The following TTC6 variants were observed in gnomAD, a reference collection of about 807,000 sequenced individuals.
TTC6 encodes tetratricopeptide repeat domain 6, also known as tetratricopeptide repeat protein 6.
Under a neutral mutation model 210.4 loss-of-function variants are expected in TTC6, and 172 were observed. The ratio of observed to expected loss-of-function variants is 0.82; its 90% CI spans 0.72 to 0.93. The LOEUF is 0.93. TTC6 is among the 40% of genes least tolerant of loss of function. The pLI, the probability that TTC6 is intolerant of heterozygous loss-of-function variation, is 0.00. For synonymous variants in TTC6, 804 were observed against 819.6 expected (o/e 0.98, Z 0.32); for missense variants, 2,414 against 2,318.1 (o/e 1.04, Z -0.85).
intron 1 of TTC6, among the ~76,000 whole-genome samples, chr14:37,665,859 A>C (rs1297068630): frequency 1.3e-5 from 2 of 150,366 alleles, no homozygotes. Flanking sequence ...CCAAGGCTGC[A>C]CCAGGAACTG....
At chr14:37,747,223 A>G (rs1433140305) in intron 10 of TTC6, among the ~76,000 whole-genome samples, 1 of 152,182 alleles carries the variant, frequency 6.6e-6, no homozygotes, top group East Asian at 1.9e-4. Context: ...TCAACCTGGC[A>G]AGGAAGTTTT....
intron 1 of TTC6, among the ~76,000 whole-genome samples, chr14:37,644,043 G>A (rs892215093): frequency 6.6e-6 from 1 of 152,126 alleles, no homozygotes; most frequent in African/African-American, 2.4e-5. Flanking sequence ...TGGAATCTTT[G>A]AAAACGTTAA....
At chr14:37,727,805 C>T (rs1951638) in intron 7 of TTC6, among the ~76,000 whole-genome samples, 149,641 of 152,286 alleles carry the variant, frequency 0.98, 73,590 homozygotes, top group East Asian at 1. Flanking sequence ...TTTAAAAACT[C>T]GTTGGAATTA....
intron 2 of TTC6, among the ~76,000 whole-genome samples, chr14:37,608,706 A>G (rs2095629428): frequency 6.6e-6 from 1 of 152,192 alleles, no homozygotes; most frequent in Non-Finnish European, 1.5e-5. Context: ...TTTCCCAAGT[A>G]TATAAACCTT....
At chr14:37,659,503 G>A (rs942346605) in intron 1 of TTC6, among the ~76,000 whole-genome samples, 8 of 144,644 alleles carry the variant, frequency 5.5e-5, no homozygotes, top group East Asian at 2.0e-4. Flanking sequence ...ATGGTATCTC[G>A]TTGTCGTTTT....
In TTC6 at chr14:37,635,840, G is replaced by A. The variant is rs113120362; in HGVS notation, c.939+12837G>A. On this transcript the variant is annotated intron_variant, in intron 1 of 30. Coordinates refer to ENST00000553443, the Ensembl canonical transcript of TTC6. ...CCAAAAATACAAAAATTAGACAGGTGTGGTGGTGCATGCCTGTAATCCCAG... is the reference window on the plus strand; with the variant it reads ...CCAAAAATACAAAAATTAGACAGGTATGGTGGTGCATGCCTGTAATCCCAG... 2.6e-3 allele frequency among the ~76,000 whole-genome samples: 393 copies of A among 152,038 alleles called. 1 individual carries two copies. Among genetic ancestry groups the A allele is most frequent in the African/African-American group, 8.4e-3 (350 of 41,474 alleles).
exon 2 of TTC6, chr14:37,680,244 G>T: frequency 1.3e-6 from 2 of 1,528,972 alleles, no homozygotes; most frequent in Non-Finnish European, 1.7e-6. Flanking sequence ...CCAGATGGGT[G>T]CTGAGGAATC....
At chr14:37,777,287 G>A (rs1275980094) in intron 14 of TTC6, among the ~76,000 whole-genome samples, 1 of 152,172 alleles carries the variant, frequency 6.6e-6, no homozygotes, top group Non-Finnish European at 1.5e-5. Context: ...TGGAAGTTTT[G>A]TTTGTTCTTC....
chr14:37,716,570 G>T (rs1165181142), intron 6 of TTC6, among the ~76,000 whole-genome samples: 1 of 152,076 alleles, frequency 6.6e-6, no homozygotes, highest in Non-Finnish European at 1.5e-5. Context: ...AGCAAAGAAA[G>T]TTCTCAGAGA....
intron 4 of TTC6, among the ~76,000 whole-genome samples, chr14:37,699,253 A>G (rs80204802): frequency 4.6e-5 from 7 of 152,334 alleles, no homozygotes; most frequent in East Asian, 3.9e-4. Context: ...ATGTAGCCCT[A>G]TGATTTGTCC....
chr14:37,660,166 A>G (rs1055768896), intron 1 of TTC6, among the ~76,000 whole-genome samples: 1 of 151,324 alleles, frequency 6.6e-6, no homozygotes, highest in Non-Finnish European at 1.5e-5. Flanking sequence ...GTCATCATGA[A>G]ATCTTTGGCC....
chr14:37,641,622 G>C (rs1192054027), intron 1 of TTC6, among the ~76,000 whole-genome samples: 1 of 152,084 alleles, frequency 6.6e-6, no homozygotes, highest in African/African-American at 2.4e-5. Flanking sequence ...ATCTTTGTGA[G>C]TTTTTATGAA....
intron 1 of TTC6, among the ~76,000 whole-genome samples, chr14:37,642,488 A>G (rs775577758): frequency 3.3e-5 from 5 of 152,222 alleles, no homozygotes; most frequent in South Asian, 2.1e-4. Context: ...TTTATATGCC[A>G]TCTGTAACAG....
chr14:37,837,385 A>G (rs1004565242), intron 29 of TTC6: 2 of 455,104 alleles, frequency 4.4e-6, no homozygotes, highest in South Asian at 3.1e-5. Flanking sequence ...TGGGGGTGCA[A>G]CCTTCTCTTC....
At chr14:37,700,567 A>T (rs1475283609) in intron 4 of TTC6, among the ~76,000 whole-genome samples, 5 of 151,632 alleles carry the variant, frequency 3.3e-5, no homozygotes. Flanking sequence ...ACATTGGGAA[A>T]CCCCATCTCT....
intron 14 of TTC6, among the ~76,000 whole-genome samples, chr14:37,777,705 T>C (rs896139546): frequency 1.3e-4 from 20 of 151,972 alleles, no homozygotes; most frequent in African/African-American, 4.6e-4. Context: ...GTCCTTGTGC[T>C]GGTTCTTTCT....
At chr14:37,771,749 A>G in intron 14 of TTC6, among the ~76,000 whole-genome samples, 1 of 152,118 alleles carries the variant, frequency 6.6e-6, no homozygotes, top group Non-Finnish European at 1.5e-5. Flanking sequence ...TTTGGTTTGA[A>G]TGTCCTCCTG....
chr14:37,824,680 A>G (rs1029297637), intron 27 of TTC6, among the ~76,000 whole-genome samples: 19 of 152,216 alleles, frequency 1.2e-4, no homozygotes, highest in African/African-American at 4.3e-4. Context: ...AAGGAAAAGG[A>G]TGAGTTTTAG....
chr14:37,739,160 T>A lies in TTC6; in HGVS notation c.2363+5T>A. 3 of 1,484,754 alleles carry A rather than the reference T, an allele frequency of 2.0e-6. No individual in the cohort carries two copies. In the South Asian group the frequency reaches 4.0e-5, roughly 20 times the overall value. 92.0% of individuals were successfully genotyped at this position (1,484,754 alleles called of 1,614,324 possible). ...GCCTCCAAAATCTCTTGAAAGGTCT[T>A]GTTTAAGTGATTTTCTTATAGTTTA... On this transcript the variant is annotated splice_donor_5th_base_variant and intron_variant, in intron 10 of 30. Coordinates refer to ENST00000553443, the Ensembl canonical transcript of TTC6.
Sources: gnomAD v4.1 joint callset for allele counts (sites outside exome capture counted in the v4.1 genomes callset) on GRCh38, gnomAD v4.1.1 for gene constraint, MANE v1.5 for transcripts, NCBI Gene and HGNC (gene_info 2026-07-23, HGNC 2026-07-21) for gene names.